The following PCDHA3 variants were observed in gnomAD, a reference collection of about 807,000 sequenced individuals.
PCDHA3 encodes the protein protocadherin alpha-3.
In PCDHA3, 41 loss-of-function variants were observed where a neutral mutation model predicts 62.2. The observed-to-expected ratio is 0.66, with a 90% CI of 0.51 to 0.86. The LOEUF is 0.86. Ranked by LOEUF, PCDHA3 falls within the 40% of genes least tolerant of loss-of-function variation. The pLI is 0.00. For synonymous variants in PCDHA3, 640 were observed against 555.4 expected (o/e 1.15, Z -2.14); for missense variants, 1,304 against 1,241.2 (o/e 1.05, Z -0.76).
intron 1 of PCDHA3, among the ~76,000 whole-genome samples, chr5:140,922,186 G>A (rs2080700999): frequency 6.6e-6 from 1 of 151,230 alleles, no homozygotes; most frequent in South Asian, 2.1e-4. Context: ...CAAAAAAAAA[G>A]TCTTATCTTT....
chr5:141,000,103 G>T (rs551643743), intron 3 of PCDHA3, among the ~76,000 whole-genome samples: 2 of 152,068 alleles, frequency 1.3e-5, no homozygotes, highest in Non-Finnish European at 2.9e-5. Flanking sequence ...GCTCAACTCC[G>T]TCTCTTCCCT....
At chr5:140,823,972 C>G (rs140039635) in intron 1 of PCDHA3, 2 of 1,614,108 alleles carry the variant, frequency 1.2e-6, no homozygotes, top group African/African-American at 1.3e-5. Context: ...CGTGTGCACA[C>G]GGGGCAAGCC....
chr5:140,971,163 T>C (rs2096460132), intron 1 of PCDHA3, among the ~76,000 whole-genome samples: 1 of 152,180 alleles, frequency 6.6e-6, no homozygotes, highest in Non-Finnish European at 1.5e-5. Flanking sequence ...AGGCTCAGCT[T>C]TGCCACCAGC....
chr5:140,857,831 G>A (rs1554150713), intron 1 of PCDHA3: 1 of 1,597,806 alleles, frequency 6.3e-7, no homozygotes, highest in Non-Finnish European at 8.6e-7. Flanking sequence ...TAAGGTGCGC[G>A]CAGTGGACGC....
Position 140,847,092 on chromosome 5 carries a change from G to T in PCDHA3, c.2394+43501G>T, listed in dbSNP as rs1176748439. ...ATGACAAGTAGAAAAGTCCACTTTG[G>T]TTAAAACACACAGTCTGCAGAGAAT... On this transcript the variant is annotated intron_variant, in intron 1 of 3. Coordinates refer to ENST00000522353, the MANE Select transcript of PCDHA3 (RefSeq NM_018906.3). 2.7e-5 allele frequency among the ~76,000 whole-genome samples: 4 copies of T among 149,688 alleles called. 1 individual carries two copies. The highest frequency in any genetic ancestry group is 4.9e-5 in the African/African-American group (2 of 40,860).
At chr5:140,865,298 C>T (rs1213333279) in intron 1 of PCDHA3, 2 of 152,028 alleles carry the variant, frequency 1.3e-5, no homozygotes, top group Non-Finnish European at 2.9e-5. Flanking sequence ...CTTTTTGGCT[C>T]TAATTACAAA....
At chr5:140,851,696 A>G (rs1174127809) in intron 1 of PCDHA3, 1 of 941,376 alleles carries the variant, frequency 1.1e-6, no homozygotes, top group African/African-American at 1.8e-5. Context: ...TGATAAAATG[A>G]TCAGCCATGT....
chr5:140,808,430 C>T (rs782400993), intron 1 of PCDHA3: 7 of 1,614,010 alleles, frequency 4.3e-6, no homozygotes, highest in African/African-American at 4.0e-5. Flanking sequence ...TGCCCTGGAC[C>T]GCGAGAGCGT....
At chr5:140,869,558 T>A in intron 1 of PCDHA3, 1 of 1,614,200 alleles carries the variant, frequency 6.2e-7, no homozygotes, top group Non-Finnish European at 8.5e-7. Flanking sequence ...GACTCGCGTT[T>A]TCCACTAGAG....
rs782723863 is a variant in PCDHA3 at position 140,801,912 on chromosome 5, G to C, written c.715G>C (p.Ala239Pro). The C allele has an allele frequency of 1.2e-6, 2 of 1,614,166 alleles. No individual in the cohort carries two copies. Among genetic ancestry groups the C allele is most frequent in the South Asian group, 2.2e-5 (2 of 91,090 alleles). ...KITVLDVNDNAPAFERTIYKV... is the reference protein window; with the variant it reads ...KITVLDVNDNPPAFERTIYKV... ...CACTGTTTTAGATGTAAACGACAAC[G>C]CCCCAGCGTTTGAGAGGACGATCTA... Residue 239 changes from alanine to proline, a missense_variant, in exon 1 of 4, where the codon GCC becomes CCC. Ala to Pro is a conservative substitution (Grantham distance 27). Coordinates refer to ENST00000522353, the MANE Select transcript of PCDHA3 (RefSeq NM_018906.3).
chr5:140,897,349 A>G (rs539353387), intron 1 of PCDHA3, among the ~76,000 whole-genome samples: 33 of 107,320 alleles, frequency 3.1e-4, no homozygotes, highest in African/African-American at 1.0e-3. Flanking sequence ...CCACCCCACA[A>G]CTGTCCCCAG....
At position 140,946,631 on chromosome 5, in the gene PCDHA3, T is replaced by C. The variant is rs75895301; in HGVS notation, c.2395-32318T>C. Among the ~76,000 whole-genome samples, 565 of 131,680 alleles carry C rather than the reference T, an allele frequency of 4.3e-3. 19 individuals are homozygous for C. Among genetic ancestry groups the C allele is most frequent in the Middle Eastern group, 0.019 (5 of 266 alleles). 86.4% of individuals were successfully genotyped at this position (131,680 alleles called of 152,430 possible). A position where few individuals can be genotyped will look rare whatever the true frequency, so the allele number is the denominator to read the frequency against. On this transcript the variant is annotated intron_variant, in intron 1 of 3. Coordinates refer to ENST00000522353, the MANE Select transcript of PCDHA3 (RefSeq NM_018906.3). ...TGTGAAATATATATATATATATATA[T>C]ACAATGGAATACTCATCAGCCATTA... is the stretch of plus-strand genomic sequence containing the variant.
Position 140,857,147 on chromosome 5 carries a change from G to A in PCDHA3, c.2394+53556G>A, listed in dbSNP as rs145115378. 1.4e-4 allele frequency: 222 copies of A among 1,598,286 alleles called. 15 individuals carry two copies. The African/African-American group carries it at 2.2e-3, about 15-fold the overall frequency. ...GAAAGAAGATGCTCAAGTGGGCACC[G>A]TCATTGCCCTAATCAGCGTTTCTGA... On this transcript the variant is annotated intron_variant, in intron 1 of 3. Coordinates refer to ENST00000522353, the MANE Select transcript of PCDHA3 (RefSeq NM_018906.3).
chr5:140,836,200 G>C lies in PCDHA3; in HGVS notation c.2394+32609G>C, dbSNP rs2150255227. ...GACGCTGACTCAGGCTACAACGCGT[G>C]GCTTTCGTATGAGTTGCAACCGGTG... On this transcript the variant is annotated intron_variant, in intron 1 of 3. Transcript: ENST00000522353. 4 of 1,613,854 alleles carry C rather than the reference G, an allele frequency of 2.5e-6. No individual in the cohort carries two copies. The South Asian group carries it at 4.4e-5, about 18-fold the overall frequency.
intron 1 of PCDHA3, among the ~76,000 whole-genome samples, chr5:140,960,004 A>C (rs2095521827): frequency 6.6e-6 from 1 of 152,216 alleles, no homozygotes; most frequent in Non-Finnish European, 1.5e-5. Context: ...ATACAAATCT[A>C]TTTTGCATCA....
At chr5:140,843,268 C>A in intron 1 of PCDHA3, 1 of 1,596,100 alleles carries the variant, frequency 6.3e-7, no homozygotes, top group Non-Finnish European at 8.6e-7. Flanking sequence ...GTCTGCTGGT[C>A]CTGGTGAAGG....
chr5:140,821,620 C>T, intron 1 of PCDHA3: 1 of 875,014 alleles, frequency 1.1e-6, no homozygotes. Flanking sequence ...AGTAGATTTT[C>T]CTTAGACAGA....
intron 1 of PCDHA3, chr5:140,927,773 A>C (rs143568645): frequency 6.2e-7 from 1 of 1,614,078 alleles, no homozygotes; most frequent in Non-Finnish European, 8.5e-7. Flanking sequence ...GGGGAGGTGC[A>C]AGTAGCTGCT....
chr5:140,965,236 A>G (rs1374558346), intron 1 of PCDHA3, among the ~76,000 whole-genome samples: 1 of 152,222 alleles, frequency 6.6e-6, no homozygotes, highest in African/African-American at 2.4e-5. Flanking sequence ...GAACCTGGGA[A>G]GAGTGAATAT....
Sources: gnomAD v4.1 joint callset for allele counts (sites outside exome capture counted in the v4.1 genomes callset) on GRCh38, gnomAD v4.1.1 for gene constraint, MANE v1.5 for transcripts, NCBI Gene and HGNC (gene_info 2026-07-23, HGNC 2026-07-21) for gene names.